The following PSG6 variants were observed in gnomAD, a reference collection of about 807,000 sequenced individuals.
PSG6 encodes pregnancy-specific beta-1-glycoprotein 6.
PSG6 carries 51 observed loss-of-function variants against 43.3 expected under a neutral mutation model. The ratio of observed to expected loss-of-function variants is 1.18; its 90% CI spans 0.94 to 1.49. PSG6 has a LOEUF of 1.49. PSG6 is among the 40% of genes most tolerant of loss of function. The pLI is 0.00. For missense variants in PSG6, 770 were observed against 522.2 expected (o/e 1.47, Z -4.62); for synonymous variants, 292 against 197.6 (o/e 1.48, Z -4.01).
intron 2 of PSG6, among the ~76,000 whole-genome samples, chr19:42,914,671 A>G (rs924537936): frequency 2.0e-5 from 3 of 151,454 alleles, no homozygotes; most frequent in African/African-American, 7.3e-5. Context: ...GTGTGGCTAG[A>G]ACCTCCTAGG....
rs762176964 is a variant in PSG6, at chr19:42,907,604, G to A, written c.957C>T (p.Arg319=). 3 of 1,612,048 alleles carry A rather than the reference G, an allele frequency of 1.9e-6. No homozygotes were observed. Among genetic ancestry groups the A allele is most frequent in the Non-Finnish European group, 2.5e-6 (3 of 1,179,112 alleles). The part of the protein sequence containing the change: ...CEIRDRYGGI[R]SNPVTLNVLY... ...GGACATTCAGGGTGACTGGGTTACT[G>A]CGGATGCCACCATATCGGTCCCGTA... The change falls in exon 4 of 6, where the codon CGC becomes CGT. Residue 319 remains arginine, a synonymous_variant. Transcript: ENST00000187910.
In PSG6 at chr19:42,903,621, T is replaced by C. The variant is rs763307987; in HGVS notation, c.1241-1175A>G. The C allele has an allele frequency of 1.7e-5, 25 of 1,458,062 alleles. No individual in the cohort carries two copies. The South Asian group carries it at 3.4e-4, about 20-fold the overall frequency. The allele number at this position is 1,458,062 out of a possible 1,614,324, so 90.3% of individuals were successfully genotyped here. On this transcript the variant is annotated intron_variant, in intron 5 of 5. Transcript: ENST00000187910. ...AAATGAAAATGGACTCTGAGCATGG[T>C]GGGTCATGTTTTAATCCTAGCACTT... is the stretch of plus-strand genomic sequence containing the variant.
chr19:42,907,501 G>C, intron 4 of PSG6, 75 bp downstream of exon 4: 4 of 1,593,020 alleles, frequency 2.5e-6, no homozygotes, highest in Non-Finnish European at 3.4e-6. Flanking sequence ...ACCGGAGAGA[G>C]ACTGAGAGGC....
intron 5 of PSG6, chr19:42,903,600 GA>G: frequency 7.2e-7 from 1 of 1,398,018 alleles, no homozygotes; most frequent in Non-Finnish European, 9.3e-7. Flanking sequence ...AATCATAAAT[GA>G]AAATGGACTC....
rs749278079 is a variant in PSG6 at position 42,902,454 on chromosome 19, A to G, written c.1241-8T>C. The G allele has an allele frequency of 6.2e-7, 1 of 1,610,770 alleles. No homozygotes were observed. Among genetic ancestry groups the G allele is most frequent in the African/African-American group, 1.3e-5 (1 of 74,744 alleles). ...GGTTTCCATGGCAGGGACCTGATTG[A>G]CAGAAGGCCCAGGTCAGCGCATTTC... On this transcript the variant is annotated splice_region_variant and splice_polypyrimidine_tract_variant and intron_variant, in intron 5 of 5. Coordinates refer to ENST00000187910, the MANE Select transcript of PSG6 (RefSeq NM_001031850.4).
chr19:42,902,485 C>T, intron 5 of PSG6, 39 bp from the exon 6 acceptor site: 1 of 1,605,872 alleles, frequency 6.2e-7, no homozygotes, highest in Non-Finnish European at 8.5e-7. Flanking sequence ...ATTTCAAATT[C>T]ACTACCTCCT....
intron 3 of PSG6, 178 bp from the exon 4 acceptor site, chr19:42,908,032 T>C: frequency 1.9e-6 from 2 of 1,038,920 alleles, no homozygotes; most frequent in Non-Finnish European, 2.8e-6. Context: ...CTGTGAGGCC[T>C]CCTGCTCTGT....
intron 3 of PSG6, 146 bp from the exon 4 acceptor site, chr19:42,908,000 T>G (rs1972151977): frequency 1.5e-6 from 2 of 1,294,306 alleles, no homozygotes; most frequent in Non-Finnish European, 1.1e-6. Flanking sequence ...GACAGATGTA[T>G]GATGATCTAA....
In PSG6 at chr19:42,910,788, T is replaced by G; in HGVS notation, c.498A>C (p.Leu166Phe). Residue 166 changes from leucine (L) to phenylalanine (F), a missense_variant, in exon 3 of 6, where the codon TTA becomes TTC. By Grantham distance (22) the Leu-to-Phe change is conservative. Coordinates refer to ENST00000187910, the MANE Select transcript of PSG6 (RefSeq NM_001031850.4). ...CATCCGGAGTCTCAGGATCACAGAT[T>G]AAGCGCACAGCCTCCATGACCTCCC... ...NPREVMEAVRLICDPETPDAS... is the reference protein window; with the variant it reads ...NPREVMEAVRFICDPETPDAS... The G allele has an allele frequency of 6.2e-7, 1 of 1,612,236 alleles. No individual in the cohort carries two copies. The highest frequency in any genetic ancestry group is 2.2e-5 in the East Asian group (1 of 44,784).
chr19:42,907,784 G>A lies in PSG6; in HGVS notation c.777C>T (p.Phe259=), dbSNP rs1342156550. 2 of 1,611,180 alleles carry A rather than the reference G, an allele frequency of 1.2e-6. No individual in the cohort carries two copies. Among genetic ancestry groups the A allele is most frequent in the Admixed American group, 1.7e-5 (1 of 59,902 alleles). Residue 259 remains phenylalanine, a synonymous_variant, in exon 4 of 6, where the codon TTC becomes TTT. Transcript: ENST00000187910. ...NPREKKDVLA[F]TCEPKSRNYT... is the part of the protein sequence containing the mutation. ...AGTTCCGACTCTTAGGTTCACAGGT[G>A]AAGGCTAACACATCCTTCTTCTCCC... is the stretch of plus-strand genomic sequence containing the variant.
chr19:42,904,469 C>T (rs1001877236), intron 5 of PSG6, among the ~76,000 whole-genome samples: 1 of 151,532 alleles, frequency 6.6e-6, no homozygotes, highest in African/African-American at 2.4e-5. Flanking sequence ...AACATTCAAA[C>T]ATCAGTTGTA....
In PSG6 at chr19:42,903,223, C is replaced by T. The variant is rs189458966; in HGVS notation, c.1241-777G>A. ...ATCTTGTTTCATTGACTGCATTAAA[C>T]CTTTAAAAGAATGGTATGAAGAAAG... On this transcript the variant is annotated intron_variant, in intron 5 of 5. Transcript: ENST00000187910. 5.8e-3 allele frequency among the ~76,000 whole-genome samples: 885 copies of T among 151,584 alleles called. 21 individuals carry two copies. The highest frequency in any genetic ancestry group is 7.5e-3 in the Non-Finnish European group (507 of 67,866).
chr19:42,913,449 C>T lies in PSG6; in HGVS notation c.428-2591G>A, dbSNP rs144623363. ...CGTGAGCCACTGTGCCCAGCCATCT[C>T]TGAAGGATTTTAATGAGTTGTTGAC... is the stretch of plus-strand genomic sequence containing the variant. On this transcript the variant is annotated intron_variant, in intron 2 of 5. Transcript: ENST00000187910. Among the ~76,000 whole-genome samples the T allele has an allele frequency of 3.6e-4, 55 of 151,916 alleles. 1 individual carries two copies. The East Asian group carries it at 0.01, about 28-fold the overall frequency.
In PSG6 at chr19:42,907,810, T is replaced by C. The variant is rs759343240; in HGVS notation, c.751A>G (p.Arg251Gly). The C allele has an allele frequency of 6.2e-7, 1 of 1,611,564 alleles. No individual in the cohort carries two copies. The highest frequency in any genetic ancestry group is 2.2e-5 in the East Asian group (1 of 44,798). Reference protein sequence around the residue: ...PYITINNLNPREKKDVLAFTC... With the variant: ...PYITINNLNPGEKKDVLAFTC... ...AAGGCTAACACATCCTTCTTCTCCC[T>C]GGGGTTTAAGTTGTTGATGGTGATG... The change falls in exon 4 of 6, where the codon AGG (arginine) becomes GGG (glycine). Residue 251 changes from arginine to glycine, a missense_variant. Coordinates refer to ENST00000187910, the MANE Select transcript of PSG6 (RefSeq NM_001031850.4).
rs1413792628 is a variant in PSG6 at position 42,917,233 on chromosome 19, T to C, written c.64+496A>G. On this transcript the variant is annotated intron_variant, in intron 1 of 5. Coordinates refer to ENST00000187910, the MANE Select transcript of PSG6 (RefSeq NM_001031850.4). ...ATCAGGAAAACAGAACACTTAAGAT[T>C]TTACTACCTCTTACCAATTCCGGTT... Among the ~76,000 whole-genome samples, 8 of 151,416 alleles carry C rather than the reference T, an allele frequency of 5.3e-5. 1 individual carries two copies. Among genetic ancestry groups the C allele is most frequent in the Admixed American group, 5.3e-4 (8 of 15,166 alleles).
rs1390010498 is a variant in PSG6, at chr19:42,908,671, T to C, written c.707-817A>G. 1.3e-5 allele frequency among the ~76,000 whole-genome samples: 2 copies of C among 151,686 alleles called. 1 individual carries two copies. Among genetic ancestry groups the C allele is most frequent in the Non-Finnish European group, 2.9e-5 (2 of 67,912 alleles). ...AGAAATACATGTGGACATTTGCAAATGCAGAACTGAGTGGTGGAAAGGGTG... is the reference window on the plus strand; with the variant it reads ...AGAAATACATGTGGACATTTGCAAACGCAGAACTGAGTGGTGGAAAGGGTG... On this transcript the variant is annotated intron_variant, in intron 3 of 5. Coordinates refer to ENST00000187910, the MANE Select transcript of PSG6 (RefSeq NM_001031850.4).
In PSG6 at chr19:42,907,191, A is replaced by G. The variant is rs146845948; in HGVS notation, c.986-15T>C. On this transcript the variant is annotated splice_polypyrimidine_tract_variant and intron_variant, in intron 4 of 5. Transcript: ENST00000187910. ...GTCTGGACCATCTGGAGGAAAGAGA[A>G]TAAAGCCACAGGTGATGTCATCCAA... is the stretch of plus-strand genomic sequence containing the variant. 12 of 1,608,510 alleles carry G rather than the reference A, an allele frequency of 7.5e-6. No homozygotes were observed. The highest frequency in any genetic ancestry group is 1.7e-4 in the Middle Eastern group (1 of 6,040).
chr19:42,905,067 G>C (rs780969046), intron 5 of PSG6, among the ~76,000 whole-genome samples: 1 of 151,620 alleles, frequency 6.6e-6, no homozygotes, highest in Non-Finnish European at 1.5e-5. Context: ...TATTGGGAAA[G>C]GTGGATATCC....
rs2122650230 is a variant in PSG6, at chr19:42,916,918, A to G, written c.65-431T>C. Among the ~76,000 whole-genome samples the G allele has an allele frequency of 1.3e-5, 2 of 151,108 alleles. 1 individual carries two copies. The highest frequency in any genetic ancestry group is 1.3e-4 in the Admixed American group (2 of 15,132). The stretch of plus-strand genomic sequence containing the variant: ...AGGGTTCTTGTCAACACCTGACCTC[A>G]CATTCTATATCTCTTTGCATGTCTG... On this transcript the variant is annotated intron_variant, in intron 1 of 5. Coordinates refer to ENST00000187910, the MANE Select transcript of PSG6 (RefSeq NM_001031850.4).
Sources: allele counts gnomAD v4.1 joint callset (sites outside exome capture counted in the v4.1 genomes callset), GRCh38; gene constraint gnomAD v4.1.1; transcripts MANE v1.5; gene names NCBI Gene and HGNC (gene_info 2026-07-23, HGNC 2026-07-21).